LARGE1: variants seen among roughly 807,000 people sequenced by gnomAD.
LARGE1 encodes the protein xylosyl- and glucuronyltransferase LARGE1.
Under a neutral mutation model 87.6 loss-of-function variants are expected in LARGE1, and 43 were observed. That is an observed-to-expected ratio of 0.49 (90% CI 0.38 to 0.63). The LOEUF is 0.63. Ranked by LOEUF, LARGE1 falls within the 30% of genes least tolerant of loss-of-function variation. LARGE1 has a pLI of 0.00. For missense variants in LARGE1, 802 were observed against 1,000.2 expected, an observed-to-expected ratio of 0.80 and a Z score of 2.67; for synonymous variants, 434 against 394.6, an observed-to-expected ratio of 1.10 and a Z score of -1.18.
At chr22:33,450,266 G>A (rs1427850270) in intron 6 of LARGE1, among the ~76,000 whole-genome samples, 1 of 151,976 alleles carries the variant, frequency 6.6e-6, no homozygotes, top group African/African-American at 2.4e-5. Flanking sequence ...AGGAATCAGA[G>A]TTGCAAGGGC....
chr22:33,333,356 T>G (rs1362910214), intron 10 of LARGE1, among the ~76,000 whole-genome samples: 2 of 152,144 alleles, frequency 1.3e-5, no homozygotes, highest in Admixed American at 1.3e-4. Context: ...AGTTTTGTCT[T>G]TTTCATTTCA....
At chr22:33,767,522 ATC>A (rs967559193) in intron 1 of LARGE1, among the ~76,000 whole-genome samples, 1 of 151,068 alleles carries the variant, frequency 6.6e-6, no homozygotes, top group Non-Finnish European at 1.5e-5. Context: ...GTGAGTTAAC[ATC>A]TCTCGTGTCC....
intron 1 of LARGE1, among the ~76,000 whole-genome samples, chr22:33,877,123 A>G (rs866950405): frequency 1.3e-5 from 2 of 152,190 alleles, no homozygotes; most frequent in Non-Finnish European, 2.9e-5. Flanking sequence ...TCTTCTATGT[A>G]CCAGGAATGG....
At chr22:33,113,562 C>G in the LARGE1 span, among the ~76,000 whole-genome samples, 1 of 152,344 alleles carries the variant, frequency 6.6e-6, no homozygotes, top group East Asian at 1.9e-4. Context: ...CATTCTACAA[C>G]TAATGAGCCC....
chr22:33,606,655 T>C (rs1279681130), intron 4 of LARGE1, among the ~76,000 whole-genome samples: 12 of 152,048 alleles, frequency 7.9e-5, no homozygotes, highest in Non-Finnish European at 1.8e-4. Flanking sequence ...TGTCCCGCAG[T>C]TGCTCATTCA....
At position 33,401,721 on chromosome 22, in the gene LARGE1, T is replaced by C. The variant is rs946030407; in HGVS notation, c.893-17417A>G. ...TAGACGTAGGGAGAGGAAGCATCTA[T>C]ATAGAAGCCAAGGAGAGAAGGGTGC... On this transcript the variant is annotated intron_variant, in intron 7 of 14. Transcript: ENST00000397394. Among the ~76,000 whole-genome samples the C allele has an allele frequency of 8.1e-4, 123 of 152,162 alleles. 1 individual carries two copies. The highest frequency in any genetic ancestry group is 6.5e-5 in the Admixed American group (1 of 15,280).
At chr22:33,227,758 A>G (rs1167041304) in intron 11 of LARGE1, among the ~76,000 whole-genome samples, 1 of 152,232 alleles carries the variant, frequency 6.6e-6, no homozygotes, top group Non-Finnish European at 1.5e-5. Flanking sequence ...TAGCTGCACA[A>G]GTAGTGTGCT....
intron 2 of LARGE1, among the ~76,000 whole-genome samples, chr22:33,666,011 A>G (rs910983121): frequency 2.0e-5 from 3 of 152,212 alleles, no homozygotes; most frequent in African/African-American, 7.2e-5. Flanking sequence ...TGACTCCAAA[A>G]AAAACCTCGA....
intron 12 of LARGE1, among the ~76,000 whole-genome samples, chr22:33,298,119 G>A (rs756038494): frequency 7.2e-5 from 11 of 152,036 alleles, no homozygotes; most frequent in Admixed American, 2.6e-4. Flanking sequence ...GATGTCTCAC[G>A]TCTTCCTCTC....
chr22:33,072,739 T>G, the LARGE1 span, among the ~76,000 whole-genome samples: 10 of 152,272 alleles, frequency 6.6e-5, no homozygotes, highest in Admixed American at 6.6e-4. Flanking sequence ...CATTCTCTCA[T>G]AAAGCCAATT....
At chr22:33,857,673 C>T (rs1168802607) in intron 1 of LARGE1, among the ~76,000 whole-genome samples, 6 of 152,208 alleles carry the variant, frequency 3.9e-5, no homozygotes, top group Non-Finnish European at 8.8e-5. Flanking sequence ...AACCATATTA[C>T]TGCACACCCA....
chr22:33,872,737 C>T (rs916298277), intron 1 of LARGE1, among the ~76,000 whole-genome samples: 5 of 152,144 alleles, frequency 3.3e-5, no homozygotes, highest in Admixed American at 3.3e-4. Context: ...GTGGCTCATG[C>T]CTGTAATCCC....
downstream of LARGE1, among the ~76,000 whole-genome samples, chr22:33,269,131 G>T (rs563783811): frequency 6.6e-6 from 1 of 152,168 alleles, no homozygotes; most frequent in East Asian, 1.9e-4. Flanking sequence ...AAAGGGGCAT[G>T]GTATCTACAA....
intron 6 of LARGE1, among the ~76,000 whole-genome samples, chr22:33,518,673 GATC>G (rs1158558904): frequency 1.3e-5 from 2 of 152,118 alleles, no homozygotes; most frequent in East Asian, 3.9e-4. Context: ...CCCTAGTGTT[GATC>G]ATGATAGTGT....
intron 6 of LARGE1, among the ~76,000 whole-genome samples, chr22:33,527,210 C>T (rs565678488): frequency 2.6e-5 from 4 of 152,286 alleles, no homozygotes; most frequent in South Asian, 4.1e-4. Context: ...GAGCCGAGAT[C>T]GCACCATTGC....
At chr22:33,459,726 T>C (rs1192200007) in intron 6 of LARGE1, among the ~76,000 whole-genome samples, 2 of 151,178 alleles carry the variant, frequency 1.3e-5, no homozygotes, top group East Asian at 3.9e-4. Context: ...ACAGCCCAAT[T>C]CACACCCCCA....
chr22:33,728,048 G>T (rs1200305865), intron 2 of LARGE1, among the ~76,000 whole-genome samples: 1 of 152,094 alleles, frequency 6.6e-6, no homozygotes, highest in African/African-American at 2.4e-5. Context: ...GAAAACCCAA[G>T]TCTGATCCAG....
chr22:33,132,738 C>T, the LARGE1 span, among the ~76,000 whole-genome samples: 1 of 151,898 alleles, frequency 6.6e-6, no homozygotes, highest in East Asian at 1.9e-4. Context: ...ATGTGTCCAC[C>T]CTCCTCAAGT....
chr22:33,827,546 A>G (rs890916497), intron 1 of LARGE1, among the ~76,000 whole-genome samples: 1 of 152,208 alleles, frequency 6.6e-6, no homozygotes, highest in Non-Finnish European at 1.5e-5. Flanking sequence ...AAAAGTGGAA[A>G]TAAGTGCAAA....
Sources: allele counts gnomAD v4.1 joint callset (sites outside exome capture counted in the v4.1 genomes callset), GRCh38; gene constraint gnomAD v4.1.1; transcripts MANE v1.5; gene names NCBI Gene and HGNC (gene_info 2026-07-23, HGNC 2026-07-21).